Variants in AFDN observed in about 807,000 individuals in gnomAD.
AFDN encodes afadin.
A neutral mutation model predicts 216.6 loss-of-function variants in AFDN; 68 were observed. The observed-to-expected ratio is 0.31, with a 90% confidence interval of 0.26 to 0.38. The LOEUF (loss-of-function observed/expected upper bound fraction) is 0.38, where lower values mean the gene tolerates loss of function less well. Among genes scored for constraint, AFDN ranks in the 10% least tolerant of loss-of-function variants. The pLI is 1.00. For synonymous variants in AFDN, 868 were observed against 853.7 expected (o/e 1.02, Z -0.29); for missense variants, 2,136 against 2,342.0 (o/e 0.91, Z 1.82).
In AFDN at chr6:167,915,760, GGTTT is replaced by G; in HGVS notation, c.2565+332_2565+335del. On this transcript the variant is annotated intron_variant, in intron 19 of 33. Coordinates refer to ENST00000683244, the MANE Select transcript of AFDN (RefSeq NM_001386888.1). ...CCAAGCAACTGCAGATTGTTTACAT[GGTTT>G]GTTTTCTGATAATTTAATGTACACA... Among the ~76,000 whole-genome samples the G allele has an allele frequency of 2.0e-5, 3 of 152,216 alleles. No homozygotes were observed. In the South Asian group the frequency reaches 6.2e-4, roughly 32 times the overall value.
Position 167,948,290 on chromosome 6 carries a change from C to A in AFDN, c.3646-3C>A, listed in dbSNP as rs1342574603. On this transcript the variant is annotated splice_region_variant and splice_polypyrimidine_tract_variant and intron_variant, in intron 28 of 33. Transcript: ENST00000683244. ...CACTTTTTTTGTTCTTCACATTTTACAGGAGCAGACGCCTCCGCCTAGACC... is the reference window on the plus strand; with the variant it reads ...CACTTTTTTTGTTCTTCACATTTTAAAGGAGCAGACGCCTCCGCCTAGACC... The A allele has an allele frequency of 6.3e-7, 1 of 1,596,132 alleles. No homozygotes were observed. The highest frequency in any genetic ancestry group is 8.5e-7 in the Non-Finnish European group (1 of 1,172,624).
chr6:167,961,437 A>G (rs1390390893), intron 30 of AFDN, among the ~76,000 whole-genome samples: 2 of 152,230 alleles, frequency 1.3e-5, no homozygotes, highest in East Asian at 1.9e-4. Flanking sequence ...TCTGTTCTGC[A>G]CTGGTTGTTA....
At chr6:167,947,447 G>A (rs533944845) in intron 27 of AFDN, among the ~76,000 whole-genome samples, 31 of 152,266 alleles carry the variant, frequency 2.0e-4, no homozygotes, top group South Asian at 1.9e-3. Context: ...CCAAAGTGCT[G>A]GGATTACAGG....
chr6:167,951,310 T>A lies in AFDN; in HGVS notation c.3956T>A (p.Leu1319Gln). 2 of 1,614,180 alleles carry A rather than the reference T, an allele frequency of 1.2e-6. No individual in the cohort carries two copies. The highest frequency in any genetic ancestry group is 1.7e-6 in the Non-Finnish European group (2 of 1,180,020). Residue 1319 changes from leucine to glutamine, a missense_variant, in exon 30 of 34, where the codon CTG becomes CAG. Leu to Gln is a moderately radical substitution (Grantham distance 113). This residue lies in a region of AFDN where 981 missense variants were observed against 966.0 expected (regional missense o/e 1.02). Coordinates refer to ENST00000683244, the MANE Select transcript of AFDN (RefSeq NM_001386888.1). This position sits in a 1 kb window ranked among gnomAD's most constrained non-coding sequence, Gnocchi z 7.1. The stretch of plus-strand genomic sequence containing the variant: ...ATGTGGATAAATCAGAGCTCCTCAC[T>A]GGACTCCAGTACCTCTAGCCAGGAG... ...SDMWINQSSS[L>Q]DSSTSSQEHL...
chr6:167,929,464 A>G (rs945358002), intron 23 of AFDN, among the ~76,000 whole-genome samples: 3 of 152,186 alleles, frequency 2.0e-5, no homozygotes, highest in African/African-American at 7.2e-5. Flanking sequence ...GCATGTCTAC[A>G]CTGCACCTGC....
chr6:167,879,671 A>G (rs3800521), intron 5 of AFDN, among the ~76,000 whole-genome samples: 71,140 of 152,036 alleles, frequency 0.47, 17,468 homozygotes, highest in Middle Eastern at 0.56. Context: ...AAAAGAAACA[A>G]AAGAAAATGT....
intron 1 of AFDN, among the ~76,000 whole-genome samples, chr6:167,843,523 G>C (rs1781308790): frequency 6.6e-6 from 1 of 152,192 alleles, no homozygotes; most frequent in Non-Finnish European, 1.5e-5. Context: ...TCCAGAGGAG[G>C]ACACAATGTG....
chr6:167,933,967 A>G (rs1052570494), intron 23 of AFDN, among the ~76,000 whole-genome samples: 6 of 152,156 alleles, frequency 3.9e-5, no homozygotes, highest in Non-Finnish European at 8.8e-5. Context: ...CATCCCCTGC[A>G]CAGGCCAGGA....
chr6:167,861,743 G>C (rs1583193654), intron 1 of AFDN, among the ~76,000 whole-genome samples: 1 of 152,096 alleles, frequency 6.6e-6, no homozygotes, highest in Non-Finnish European at 1.5e-5. Flanking sequence ...TGATGCTTCT[G>C]TTTTTCTTTT....
At chr6:167,893,775 C>T in intron 8 of AFDN, 87 bp from the exon 9 acceptor site, 1 of 1,011,536 alleles carries the variant, frequency 9.9e-7, no homozygotes. Context: ...CGTCTCTTCT[C>T]CTCCTTCCCT....
At chr6:167,839,295 C>T (rs1172514347) in intron 1 of AFDN, among the ~76,000 whole-genome samples, 2 of 151,322 alleles carry the variant, frequency 1.3e-5, no homozygotes, top group East Asian at 1.9e-4. Context: ...GCAAACGTTT[C>T]GGAAATAGTT....
chr6:167,873,032 G>A (rs1472818593), intron 4 of AFDN, among the ~76,000 whole-genome samples: 1 of 152,132 alleles, frequency 6.6e-6, no homozygotes, highest in Non-Finnish European at 1.5e-5. Flanking sequence ...GCAGTTTTTG[G>A]TTTTTTAGTT....
intron 16 of AFDN, chr6:167,913,912 T>G: frequency 2.0e-6 from 1 of 499,712 alleles, no homozygotes; most frequent in Non-Finnish European, 3.5e-6. Context: ...CTCCGCTGAT[T>G]CCATCTATAA....
At chr6:167,880,825 A>G (rs1002662895) in intron 6 of AFDN, among the ~76,000 whole-genome samples, 3 of 152,192 alleles carry the variant, frequency 2.0e-5, no homozygotes, top group East Asian at 1.9e-4. Context: ...CCATTGATAC[A>G]TATGTCTATC....
At chr6:167,874,030 T>C (rs1425548900) in intron 4 of AFDN, among the ~76,000 whole-genome samples, 1 of 152,178 alleles carries the variant, frequency 6.6e-6, no homozygotes, top group Non-Finnish European at 1.5e-5. Context: ...AATGCAGTTA[T>C]GCAAGAGAAA....
intron 5 of AFDN, 149 bp downstream of exon 5, chr6:167,875,644 CA>C (rs1346618815): frequency 8.6e-6 from 7 of 814,802 alleles, no homozygotes; most frequent in Non-Finnish European, 1.4e-5. Context: ...GGTACAAAAT[CA>C]GCCTACCCTA....
intron 30 of AFDN, among the ~76,000 whole-genome samples, chr6:167,957,901 A>G (rs1796678559): frequency 6.6e-6 from 1 of 152,182 alleles, no homozygotes; most frequent in African/African-American, 2.4e-5. Context: ...AAGCTATTCT[A>G]TGGCAGAGCA....
intron 23 of AFDN, 65 bp from the exon 24 acceptor site, chr6:167,943,064 T>C (rs1212215008): frequency 2.2e-6 from 3 of 1,383,286 alleles, no homozygotes; most frequent in Non-Finnish European, 3.0e-6. Flanking sequence ...TGTTTTACTT[T>C]CCTGCATAGT....
intron 29 of AFDN, among the ~76,000 whole-genome samples, chr6:167,949,079 A>T (rs1483158485): frequency 1.3e-5 from 2 of 152,240 alleles, no homozygotes; most frequent in African/African-American, 4.8e-5. Context: ...CATGACAGCT[A>T]AGGAATTTGA....
Sources: gnomAD v4.1 joint callset for allele counts (sites outside exome capture counted in the v4.1 genomes callset) on GRCh38, gnomAD v4.1.1 for gene constraint, gnomAD v4.1.1 regional missense constraint, Gnocchi (gnomAD v3.1) non-coding constraint, MANE v1.5 for transcripts, NCBI Gene and HGNC (gene_info 2026-07-23, HGNC 2026-07-21) for gene names.